COL7A1: variants seen among roughly 807,000 people sequenced by gnomAD.
COL7A1 encodes collagen type VII alpha 1 chain.
In COL7A1, 296 loss-of-function variants were observed where a neutral mutation model predicts 456.2. That is an observed-to-expected ratio of 0.65 (90% CI 0.59 to 0.71). The LOEUF is 0.71. Ranked by LOEUF, COL7A1 falls within the 30% of genes least tolerant of loss-of-function variation. COL7A1 has a pLI of 0.00. For missense variants in COL7A1, 3,441 were observed against 4,017.2 expected (o/e 0.86, Z 3.88); for synonymous variants, 1,464 against 1,525.9 (o/e 0.96, Z 0.95).
Position 48,575,784 on chromosome 3 carries a change from G to A in COL7A1, c.5857-36C>T, listed in dbSNP as rs201188603. On this transcript the variant is annotated intron_variant, in intron 72 of 118. Coordinates refer to ENST00000681320, the MANE Select transcript of COL7A1 (RefSeq NM_000094.4). The surrounding 1 kb of genome is among the most constrained non-coding windows in gnomAD (Gnocchi z 6.3). ...GCAAGAGGTCAGAGGAGCGGGGTGC[G>A]TCGCCGCAGCCCCTATGCCTGTGGG... The A allele has an allele frequency of 4.5e-5, 72 of 1,613,976 alleles. No homozygotes were observed. The African/African-American group carries it at 7.1e-4, about 16-fold the overall frequency.
At chr3:48,582,402 T>C in intron 46 of COL7A1, 44 bp from the exon 47 acceptor site, 1 of 1,614,030 alleles carries the variant, frequency 6.2e-7, no homozygotes, top group Non-Finnish European at 8.5e-7. Context: ...GGGAGTCACC[T>C]AGGAGCCCAA....
rs1483331040 is a variant in COL7A1, at chr3:48,576,748, C to G, written c.5628G>C (p.Glu1876Asp). Residue 1876 changes from glutamate (E) to aspartate (D), a missense_variant, in exon 68 of 119, where the codon GAG (glutamate) becomes GAC (aspartate). Transcript: ENST00000681320. ...GTCCAAGGATACCAGGAGCTCCACG[C>G]TCACCCTTGGGGCCATCACGACCCT... ...GREGRDGPKG[E>D]RGAPGILGPQ... 6.2e-7 allele frequency: 1 copy of G among 1,612,666 alleles called. No homozygotes were observed. The highest frequency in any genetic ancestry group is 1.3e-5 in the African/African-American group (1 of 74,856).
rs771569809 is a variant in COL7A1 at position 48,568,463 on chromosome 3, G to A, written c.7794+36C>T. The A allele has an allele frequency of 6.3e-7, 1 of 1,578,814 alleles. No homozygotes were observed. Among genetic ancestry groups the A allele is most frequent in the South Asian group, 1.1e-5 (1 of 88,502 alleles). On this transcript the variant is annotated intron_variant, in intron 105 of 118. Transcript: ENST00000681320. This position sits in a 1 kb window ranked among gnomAD's most constrained non-coding sequence, Gnocchi z 5.2. ...CACCATGGTGACGGGGGCCCTCTGG[G>A]GACAGGGGGCCCCTGTGGGAGCAGG...
In COL7A1 at chr3:48,586,517, C is replaced by A; in HGVS notation, c.3404-39G>T. 1.2e-6 allele frequency: 2 copies of A among 1,613,786 alleles called. No homozygotes were observed. The highest frequency in any genetic ancestry group is 1.7e-6 in the Non-Finnish European group (2 of 1,180,034). On this transcript the variant is annotated intron_variant, in intron 26 of 118. Transcript: ENST00000681320. The surrounding 1 kb of genome is among the most constrained non-coding windows in gnomAD (Gnocchi z 5.1). The stretch of plus-strand genomic sequence containing the variant: ...CATGTCAGAACCCTGGGGCACCAAG[C>A]TCCCAGTGGATAGCCCCAGGAGTCC...
At position 48,573,350 on chromosome 3, in the gene COL7A1, T is replaced by G; in HGVS notation, c.6619-2A>C. The G allele has an allele frequency of 6.2e-7, 1 of 1,613,958 alleles. No individual in the cohort carries two copies. The highest frequency in any genetic ancestry group is 1.1e-5 in the South Asian group (1 of 91,078). Reference sequence around the variant, plus strand: ...AGGTCCTGTCTCTCCAGGCTCCCCCTGCAAACAACCCAGAGACTGCATGAG... The same window carrying G: ...AGGTCCTGTCTCTCCAGGCTCCCCCGGCAAACAACCCAGAGACTGCATGAG... On this transcript the variant is annotated splice_acceptor_variant, in intron 83 of 118. Coordinates refer to ENST00000681320, the MANE Select transcript of COL7A1 (RefSeq NM_000094.4). LOFTEE classifies it high-confidence loss of function. The surrounding 1 kb of genome is among the most constrained non-coding windows in gnomAD (Gnocchi z 5.5).
At position 48,594,007 on chromosome 3, in the gene COL7A1, A is replaced by C. The variant is rs928471350; in HGVS notation, c.267-311T>G. Among the ~76,000 whole-genome samples the C allele has an allele frequency of 3.3e-5, 5 of 152,226 alleles. No individual in the cohort carries two copies. The highest frequency in any genetic ancestry group is 1.2e-4 in the African/African-American group (5 of 41,474). ...GAGGGGTCCAGATGTAGGAAAGTGG[A>C]TGCTGGCCAGATGGAGCACCTCTGG... On this transcript the variant is annotated intron_variant, in intron 3 of 118. Transcript: ENST00000681320. The surrounding 1 kb of genome is among the most constrained non-coding windows in gnomAD (Gnocchi z 5.5).
chr3:48,587,398 C>T lies in COL7A1; in HGVS notation c.2992+22G>A, dbSNP rs762668241. 3 of 1,613,158 alleles carry T rather than the reference C, an allele frequency of 1.9e-6. No individual in the cohort carries two copies. The highest frequency in any genetic ancestry group is 2.5e-6 in the Non-Finnish European group (3 of 1,180,006). On this transcript the variant is annotated intron_variant, in intron 23 of 118. Transcript: ENST00000681320. The surrounding 1 kb of genome is among the most constrained non-coding windows in gnomAD (Gnocchi z 6.1). The stretch of plus-strand genomic sequence containing the variant: ...ACAGAGCCCCAACTGCCAGCCCACC[C>T]AAATCCTGGCCTCCCCCTCACCCTG...
chr3:48,582,744 G>C lies in COL7A1; in HGVS notation c.4519-91C>G, dbSNP rs560815350. 5.5e-5 allele frequency: 78 copies of C among 1,410,424 alleles called. No individual in the cohort carries two copies. The Admixed American group carries it at 1.2e-3, about 22-fold the overall frequency. The allele number at this position is 1,410,424 out of a possible 1,614,324, so 87.4% of individuals were successfully genotyped here. On this transcript the variant is annotated intron_variant, in intron 44 of 118. Coordinates refer to ENST00000681320, the MANE Select transcript of COL7A1 (RefSeq NM_000094.4). Reference sequence around the variant, plus strand: ...AGAGGCTGGGGTGGGGGCTGGAGAGGGGTCAGGGAAGATTGGGATTTAGGT... The same window carrying C: ...AGAGGCTGGGGTGGGGGCTGGAGAGCGGTCAGGGAAGATTGGGATTTAGGT...
chr3:48,583,664 C>T lies in COL7A1; in HGVS notation c.4342-49G>A, dbSNP rs2044961944. The T allele has an allele frequency of 6.2e-7, 1 of 1,613,360 alleles. No homozygotes were observed. On this transcript the variant is annotated intron_variant, in intron 40 of 118. Coordinates refer to ENST00000681320, the MANE Select transcript of COL7A1 (RefSeq NM_000094.4). The surrounding 1 kb of genome is among the most constrained non-coding windows in gnomAD (Gnocchi z 5.1). ...GAAGACCGAAGGGAGGCCCTGCCCCCAGCACGCAGCCTCCCACCCCAGAAC... is the reference window on the plus strand; with the variant it reads ...GAAGACCGAAGGGAGGCCCTGCCCCTAGCACGCAGCCTCCCACCCCAGAAC...
chr3:48,592,774 C>T lies in COL7A1; in HGVS notation c.846+1G>A. 3 of 1,613,664 alleles carry T rather than the reference C, an allele frequency of 1.9e-6. No homozygotes were observed. The highest frequency in any genetic ancestry group is 1.1e-5 in the South Asian group (1 of 91,088). ...ACCACCTATCACTCCTGACATCCTA[C>T]CTCCTGCCGCTCACTCGGCAGTGGC... On this transcript the variant is annotated splice_donor_variant, in intron 7 of 118. Transcript: ENST00000681320. LOFTEE classifies it high-confidence loss of function. The surrounding 1 kb of genome is among the most constrained non-coding windows in gnomAD (Gnocchi z 7.6).
Position 48,590,143 on chromosome 3 carries a change from G to C in COL7A1, c.2050+70C>G. The C allele has an allele frequency of 6.4e-7, 1 of 1,565,002 alleles. No individual in the cohort carries two copies. The highest frequency in any genetic ancestry group is 8.7e-7 in the Non-Finnish European group (1 of 1,148,834). On this transcript the variant is annotated intron_variant, in intron 16 of 118. Coordinates refer to ENST00000681320, the MANE Select transcript of COL7A1 (RefSeq NM_000094.4). This position sits in a 1 kb window ranked among gnomAD's most constrained non-coding sequence, Gnocchi z 4.6. ...GAGTTCTGGGGAGAAGCAAGGGTCT[G>C]CAAGGGAAGGCATGGGGGTCTGAAA... is the stretch of plus-strand genomic sequence containing the variant.
chr3:48,585,862 G>T lies in COL7A1; in HGVS notation c.3760-6C>A. 1 of 1,614,156 alleles carries T rather than the reference G, an allele frequency of 6.2e-7. No homozygotes were observed. The highest frequency in any genetic ancestry group is 1.1e-5 in the South Asian group (1 of 91,090). ...CCAGGTTCCCCCTTCTGGCCCTGGG[G>T]AAAGACATGTCAGATGTGGGTCAGA... On this transcript the variant is annotated splice_polypyrimidine_tract_variant and splice_region_variant and intron_variant, in intron 29 of 118. Transcript: ENST00000681320. The surrounding 1 kb of genome is among the most constrained non-coding windows in gnomAD (Gnocchi z 4.5).
In COL7A1 at chr3:48,575,131, A is replaced by C; in HGVS notation, c.6217-5T>G. 1 of 1,613,820 alleles carries C rather than the reference A, an allele frequency of 6.2e-7. No homozygotes were observed. Among genetic ancestry groups the C allele is most frequent in the Non-Finnish European group, 8.5e-7 (1 of 1,179,920 alleles). ...TCCAGGAGGGCCATCTCTGCCCTGC[A>C]GGAAACAAGAAAATGGGGTGGCAGC... On this transcript the variant is annotated splice_polypyrimidine_tract_variant and splice_region_variant and intron_variant, in intron 75 of 118. Coordinates refer to ENST00000681320, the MANE Select transcript of COL7A1 (RefSeq NM_000094.4). The surrounding 1 kb of genome is among the most constrained non-coding windows in gnomAD (Gnocchi z 6.3).
Position 48,571,137 on chromosome 3 carries a change from C to T in COL7A1, c.7128G>A (p.Pro2376=), listed in dbSNP as rs776459582. The change falls in exon 94 of 119, where the codon CCG becomes CCA. Residue 2376 remains proline (P), a synonymous_variant. Transcript: ENST00000681320. The surrounding 1 kb of genome is among the most constrained non-coding windows in gnomAD (Gnocchi z 4.6). ...GAGGGCCAGGAGGCCCAGGGGAGCCCGGGACCCCGACTCCTGGGTCACCCT... is the reference window on the plus strand; with the variant it reads ...GAGGGCCAGGAGGCCCAGGGGAGCCTGGGACCCCGACTCCTGGGTCACCCT... The part of the protein sequence containing the change: ...GFKGDPGVGV[P]GSPGPPGPPG... 2.5e-5 allele frequency: 41 copies of T among 1,613,884 alleles called. No homozygotes were observed. The highest frequency in any genetic ancestry group is 1.3e-4 in the Admixed American group (8 of 59,996).
At position 48,568,624 on chromosome 3, in the gene COL7A1, C is replaced by A; in HGVS notation, c.7759-90G>T. 6.6e-7 allele frequency: 1 copy of A among 1,506,394 alleles called. No homozygotes were observed. The highest frequency in any genetic ancestry group is 1.2e-5 in the South Asian group (1 of 82,646). The allele number at this position is 1,506,394 out of a possible 1,614,324, so 93.3% of individuals were successfully genotyped here. On this transcript the variant is annotated intron_variant, in intron 104 of 118. Coordinates refer to ENST00000681320, the MANE Select transcript of COL7A1 (RefSeq NM_000094.4). This position sits in a 1 kb window ranked among gnomAD's most constrained non-coding sequence, Gnocchi z 5.2. ...CATGTGTGGCCACTCAGATGCTCAG[C>A]GGCCAGGGCCCAGGCCACACACAGA... is the stretch of plus-strand genomic sequence containing the variant.
At position 48,587,772 on chromosome 3, in the gene COL7A1, G is replaced by A. The variant is rs779236634; in HGVS notation, c.2857+21C>T. On this transcript the variant is annotated intron_variant, in intron 22 of 118. Coordinates refer to ENST00000681320, the MANE Select transcript of COL7A1 (RefSeq NM_000094.4). The surrounding 1 kb of genome is among the most constrained non-coding windows in gnomAD (Gnocchi z 6.1). ...TGGGTCATCAGCAGGGGAGGAGCAC[G>A]CCAAGGTGAGGCAGGCTTACCAGTG... 6.8e-6 allele frequency: 11 copies of A among 1,613,398 alleles called. No homozygotes were observed. The highest frequency in any genetic ancestry group is 1.3e-5 in the African/African-American group (1 of 74,970).
rs1463807138 is a variant in COL7A1, at chr3:48,580,128, C to A, written c.5098-71G>T. 3.8e-6 allele frequency: 6 copies of A among 1,591,620 alleles called. No individual in the cohort carries two copies. Among genetic ancestry groups the A allele is most frequent in the Non-Finnish European group, 4.3e-6 (5 of 1,163,186 alleles). On this transcript the variant is annotated intron_variant, in intron 56 of 118. Transcript: ENST00000681320. This position sits in a 1 kb window ranked among gnomAD's most constrained non-coding sequence, Gnocchi z 4.5. ...GGCCATGGCTCTGGTTTGCCCCAGG[C>A]TCAACTCTGCCCCCAAGTTCCCCGA... is the stretch of plus-strand genomic sequence containing the variant.
In COL7A1 at chr3:48,588,818, G is replaced by T; in HGVS notation, c.2441-30C>A. 1 of 1,613,644 alleles carries T rather than the reference G, an allele frequency of 6.2e-7. No individual in the cohort carries two copies. The highest frequency in any genetic ancestry group is 8.5e-7 in the Non-Finnish European group (1 of 1,180,050). On this transcript the variant is annotated intron_variant, in intron 19 of 118. Coordinates refer to ENST00000681320, the MANE Select transcript of COL7A1 (RefSeq NM_000094.4). This position sits in a 1 kb window ranked among gnomAD's most constrained non-coding sequence, Gnocchi z 4.6. Reference sequence around the variant, plus strand: ...CCAGGTGGGCATACAGCAATGGTTAGGGGTGAGCAGTCCCAGCCAGGAAGG... The same window carrying T: ...CCAGGTGGGCATACAGCAATGGTTATGGGTGAGCAGTCCCAGCCAGGAAGG...
In COL7A1 at chr3:48,590,343, G is replaced by T; in HGVS notation, c.1920C>A (p.Ser640Arg). ...SWSTGSGPES[S>R]QTLPPDSTAT... is the part of the protein sequence containing the mutation. ...CAGTAGAGTCTGGGGGCAGTGTCTG[G>T]CTGGACTCCGGACCTGAGGTCAGAG... The change falls in exon 16 of 119, where the codon AGC (serine) becomes AGA (arginine). Residue 640 changes from serine to arginine, a missense_variant. Ser to Arg is a moderately radical substitution (Grantham distance 110). Coordinates refer to ENST00000681320, the MANE Select transcript of COL7A1 (RefSeq NM_000094.4). The surrounding 1 kb of genome is among the most constrained non-coding windows in gnomAD (Gnocchi z 4.6). The T allele has an allele frequency of 6.2e-7, 1 of 1,614,062 alleles. No homozygotes were observed. Among genetic ancestry groups the T allele is most frequent in the Non-Finnish European group, 8.5e-7 (1 of 1,179,988 alleles).
Sources: gnomAD v4.1 joint callset for allele counts (sites outside exome capture counted in the v4.1 genomes callset) on GRCh38, gnomAD v4.1.1 for gene constraint, Gnocchi (gnomAD v3.1) non-coding constraint, MANE v1.5 for transcripts, NCBI Gene and HGNC (gene_info 2026-07-23, HGNC 2026-07-21) for gene names.